OR5B12: variants seen among roughly 807,000 people sequenced by gnomAD.
OR5B12 encodes olfactory receptor family 5 subfamily B member 12, also known as olfactory receptor 5B12.
For synonymous variants in OR5B12, 154 were observed against 138.0 expected (o/e 1.12, Z -0.81); for missense variants, 418 against 377.0 (o/e 1.11, Z -0.90).
Position 58,439,154 on chromosome 11 carries a change from G to T in OR5B12, c.*53C>A. ...GGAAGCCCAAATATTGGGCTTGGTA[G>T]ACAAAGATTAATATGAGGTGGAAAA... On this transcript the variant is annotated 3_prime_UTR_variant, in exon 2 of 2. Transcript: ENST00000641921. 2.9e-6 allele frequency: 3 copies of T among 1,038,204 alleles called. No individual in the cohort carries two copies. Among genetic ancestry groups the T allele is most frequent in the Non-Finnish European group, 4.2e-6 (3 of 718,528 alleles). 64.3% of individuals were successfully genotyped at this position (1,038,204 alleles called of 1,614,324 possible).
chr11:58,440,287 C>A, intron 1 of OR5B12, 117 bp from the exon 2 acceptor site: 1 of 581,482 alleles, frequency 1.7e-6, no homozygotes, highest in South Asian at 3.0e-5. Flanking sequence ...TCCAGGAGTC[C>A]CGGATCTAAA....
chr11:58,439,597 G>A lies in OR5B12; in HGVS notation c.555C>T (p.Leu185=), dbSNP rs749602485. 9.3e-6 allele frequency: 15 copies of A among 1,613,942 alleles called. No homozygotes were observed. The South Asian group carries it at 1.2e-4, about 13-fold the overall frequency. The change falls in exon 2 of 2, where the codon CTC becomes CTT. Residue 185 remains leucine (L), a synonymous_variant. Coordinates refer to ENST00000641921, the MANE Select transcript of OR5B12 (RefSeq NM_001004733.3). The stretch of plus-strand genomic sequence containing the variant: ...CACTGATGTAGTTGTCTGAACATGA[G>A]AGAGTCAAGAGAGGAGGAGCATCAC... ...FFCDAPPLLT[L]SCSDNYISEM...
In OR5B12 at chr11:58,439,988, G is replaced by T; in HGVS notation, c.164C>A (p.Thr55Asn). ...GTTACTGAGGAAGAAGTACATGGGGGTGTGGAGACAGGAGTCCAGTAGAAT... is the reference window on the plus strand; with the variant it reads ...GTTACTGAGGAAGAAGTACATGGGGTTGTGGAGACAGGAGTCCAGTAGAAT... ...ELILLDSCLH[T>N]PMYFFLSNLS... Residue 55 changes from threonine to asparagine, a missense_variant, in exon 2 of 2, where the codon ACC becomes AAC. Physicochemically the swap from Thr to Asn is moderately conservative, Grantham distance 65. Coordinates refer to ENST00000641921, the MANE Select transcript of OR5B12 (RefSeq NM_001004733.3). 7 of 1,614,126 alleles carry T rather than the reference G, an allele frequency of 4.3e-6. No individual in the cohort carries two copies. Among genetic ancestry groups the T allele is most frequent in the Non-Finnish European group, 5.9e-6 (7 of 1,180,024 alleles).
Position 58,439,809 on chromosome 11 carries a change from A to T in OR5B12, c.343T>A (p.Ser115Thr). ...FITAESFLLA[S>T]MAYDRYAALC... The stretch of plus-strand genomic sequence containing the variant: ...GCTGCATAGCGGTCATAGGCCATTG[A>T]TGCCAGGAGGAAACTTTCTGCAGTG... Residue 115 changes from serine (S) to threonine (T), a missense_variant, in exon 2 of 2, where the codon TCA (serine) becomes ACA (threonine). Ser to Thr is a moderately conservative substitution (Grantham distance 58). Coordinates refer to ENST00000641921, the MANE Select transcript of OR5B12 (RefSeq NM_001004733.3). 8.1e-6 allele frequency: 13 copies of T among 1,614,218 alleles called. No individual in the cohort carries two copies. The highest frequency in any genetic ancestry group is 1.1e-5 in the Non-Finnish European group (13 of 1,180,038).
In OR5B12 at chr11:58,439,240, C is replaced by T; in HGVS notation, c.912G>A (p.Gly304=). The T allele has an allele frequency of 6.2e-7, 1 of 1,607,474 alleles. No individual in the cohort carries two copies. Among genetic ancestry groups the T allele is most frequent in the Non-Finnish European group, 8.5e-7 (1 of 1,175,754 alleles). ...EVKSAFKKTV[G]KAKASIGFIF ...TGAATCCTATAGAGGCCTTTGCCTT[C>T]CCTACAGTCTTTTTAAAGGCACTCT... Residue 304 remains glycine (G), a synonymous_variant, in exon 2 of 2, where the codon GGG becomes GGA. Transcript: ENST00000641921.
intron 1 of OR5B12, among the ~76,000 whole-genome samples, chr11:58,441,657 G>A (rs1231910245): frequency 2.6e-5 from 4 of 152,032 alleles, no homozygotes; most frequent in African/African-American, 9.7e-5. Flanking sequence ...CCACACATAA[G>A]TATGTAGCAC....
In OR5B12 at chr11:58,439,163, T is replaced by C. The variant is rs1855467621; in HGVS notation, c.*44A>G. 1 of 1,123,372 alleles carries C rather than the reference T, an allele frequency of 8.9e-7. No individual in the cohort carries two copies. Among genetic ancestry groups the C allele is most frequent in the African/African-American group, 1.6e-5 (1 of 63,278 alleles). 69.6% of individuals were successfully genotyped at this position (1,123,372 alleles called of 1,614,324 possible). On this transcript the variant is annotated 3_prime_UTR_variant, in exon 2 of 2. Transcript: ENST00000641921. Reference sequence around the variant, plus strand: ...AATATTGGGCTTGGTAGACAAAGATTAATATGAGGTGGAAAAAATTATCTT... The same window carrying C: ...AATATTGGGCTTGGTAGACAAAGATCAATATGAGGTGGAAAAAATTATCTT...
At chr11:58,441,878 TCAA>T (rs1193515891) in intron 1 of OR5B12, among the ~76,000 whole-genome samples, 165 bp downstream of exon 1, 2 of 152,142 alleles carry the variant, frequency 1.3e-5, no homozygotes, top group Non-Finnish European at 2.9e-5. Context: ...TGAGGAATAC[TCAA>T]CATATATAGC....
chr11:58,441,128 G>A (rs1287849949), intron 1 of OR5B12, among the ~76,000 whole-genome samples: 3 of 152,146 alleles, frequency 2.0e-5, no homozygotes, highest in African/African-American at 4.8e-5. Flanking sequence ...TTTATAAATT[G>A]TGTGTCCAAT....
Position 58,439,171 on chromosome 11 carries a change from G to T in OR5B12, c.*36C>A. The T allele has an allele frequency of 8.3e-7, 1 of 1,205,936 alleles. No individual in the cohort carries two copies. The highest frequency in any genetic ancestry group is 2.4e-5 in the East Asian group (1 of 41,224). 74.7% of individuals were successfully genotyped at this position (1,205,936 alleles called of 1,614,324 possible). A position where few individuals can be genotyped will look rare whatever the true frequency, so the allele number is the denominator to read the frequency against. The stretch of plus-strand genomic sequence containing the variant: ...GCTTGGTAGACAAAGATTAATATGA[G>T]GTGGAAAAAATTATCTTATTGTGAA... On this transcript the variant is annotated 3_prime_UTR_variant, in exon 2 of 2. Transcript: ENST00000641921.
intron 1 of OR5B12, among the ~76,000 whole-genome samples, chr11:58,440,610 T>C (rs1855490518): frequency 6.6e-6 from 1 of 152,214 alleles, no homozygotes; most frequent in African/African-American, 2.4e-5. Context: ...GATGGAGTAA[T>C]TAAATCTATC....
Position 58,439,647 on chromosome 11 carries a change from A to G in OR5B12, c.505T>C (p.Ser169Pro). 1 of 1,614,132 alleles carries G rather than the reference A, an allele frequency of 6.2e-7. No homozygotes were observed. Among genetic ancestry groups the G allele is most frequent in the African/African-American group, 1.3e-5 (1 of 75,050 alleles). The stretch of plus-strand genomic sequence containing the variant: ...CAGAAAAAGTGTTCAACTACATTGG[A>G]TCTACAGAAGGAGAGCCTGAAAGTG... ...GNTFRLSFCR[S>P]NVVEHFFCDA... Residue 169 changes from serine to proline, a missense_variant, in exon 2 of 2, where the codon TCC (serine) becomes CCC (proline). Coordinates refer to ENST00000641921, the MANE Select transcript of OR5B12 (RefSeq NM_001004733.3).
At position 58,439,513 on chromosome 11, in the gene OR5B12, C is replaced by A; in HGVS notation, c.639G>T (p.Leu213Phe). 1 of 1,613,860 alleles carries A rather than the reference C, an allele frequency of 6.2e-7. No homozygotes were observed. The highest frequency in any genetic ancestry group is 8.5e-7 in the Non-Finnish European group (1 of 1,179,958). Residue 213 changes from leucine to phenylalanine, a missense_variant, in exon 2 of 2, where the codon TTG becomes TTT. Transcript: ENST00000641921. ...FNDLFSILVI[L>F]ISYLFIFITI... The stretch of plus-strand genomic sequence containing the variant: ...TGATAAATATAAATAAGTAGGAGAT[C>A]AAGATTACCAGGATAGAAAAGAGGT...
chr11:58,439,912 C>A lies in OR5B12; in HGVS notation c.240G>T (p.Met80Ile). ...ATTTGTCTCCTGTGAGAAACCCCACCATCACCTTGGGAGTGACAGCTGAGG... is the reference window on the plus strand; with the variant it reads ...ATTTGTCTCCTGTGAGAAACCCCACAATCACCTTGGGAGTGACAGCTGAGG... ...GYSSAVTPKV[M>I]VGFLTGDKFI... Residue 80 changes from methionine (M) to isoleucine (I), a missense_variant, in exon 2 of 2, where the codon ATG becomes ATT. Coordinates refer to ENST00000641921, the MANE Select transcript of OR5B12 (RefSeq NM_001004733.3). 28 of 1,614,076 alleles carry A rather than the reference C, an allele frequency of 1.7e-5. No homozygotes were observed. The highest frequency in any genetic ancestry group is 2.7e-5 in the African/African-American group (2 of 75,030).
Position 58,439,579 on chromosome 11 carries a change from G to T in OR5B12, c.573C>A (p.Tyr191Ter). 1 of 1,613,862 alleles carries T rather than the reference G, an allele frequency of 6.2e-7. No individual in the cohort carries two copies. Among genetic ancestry groups the T allele is most frequent in the Non-Finnish European group, 8.5e-7 (1 of 1,179,904 alleles). Residue 191 changes from tyrosine (Y) to a stop codon, truncating the protein, a stop_gained, in exon 2 of 2, where the codon TAC (tyrosine) becomes TAA (stop). Transcript: ENST00000641921. LOFTEE classifies it low-confidence loss of function (END_TRUNC). Reference protein sequence around the residue: ...PLLTLSCSDNYISEMVIFFVV... With the variant: ...PLLTLSCSDN Reference sequence around the variant, plus strand: ...CAAAAAAAATAACCATCTCACTGATGTAGTTGTCTGAACATGAGAGAGTCA... The same window carrying T: ...CAAAAAAAATAACCATCTCACTGATTTAGTTGTCTGAACATGAGAGAGTCA...
At chr11:58,440,851 C>G (rs1402583790) in intron 1 of OR5B12, among the ~76,000 whole-genome samples, 2 of 152,168 alleles carry the variant, frequency 1.3e-5, no homozygotes, top group Non-Finnish European at 2.9e-5. Flanking sequence ...ACATAAATCT[C>G]TGGATGTGTT....
rs775324339 is a variant in OR5B12 at position 58,440,048 on chromosome 11, A to T, written c.104T>A (p.Ile35Asn). 6 of 1,614,118 alleles carry T rather than the reference A, an allele frequency of 3.7e-6. No homozygotes were observed. In the East Asian group the frequency reaches 1.3e-4, roughly 36 times the overall value. Residue 35 changes from isoleucine (I) to asparagine (N), a missense_variant, in exon 2 of 2, where the codon ATC becomes AAC. Physicochemically the swap from Ile to Asn is moderately radical, Grantham distance 149. Coordinates refer to ENST00000641921, the MANE Select transcript of OR5B12 (RefSeq NM_001004733.3). The part of the protein sequence containing the change: ...LFIVFLFIYL[I>N]TLVGNLGMIE... ...CATCCCCAGGTTCCCAACCAGAGTG[A>T]TGAGGTAGATGAAAAGGAAGACTAT...
intron 1 of OR5B12, among the ~76,000 whole-genome samples, chr11:58,441,361 T>C (rs1000822935): frequency 6.6e-6 from 1 of 152,192 alleles, no homozygotes; most frequent in Non-Finnish European, 1.5e-5. Context: ...TTTATGTTGA[T>C]ATTCCATTTG....
rs754318301 is a variant in OR5B12, at chr11:58,439,204, T to C, written c.*3A>G. The C allele has an allele frequency of 5.5e-6, 8 of 1,456,846 alleles. No homozygotes were observed. Among genetic ancestry groups the C allele is most frequent in the Non-Finnish European group, 7.5e-6 (8 of 1,067,940 alleles). 90.2% of individuals were successfully genotyped at this position (1,456,846 alleles called of 1,614,324 possible). On this transcript the variant is annotated 3_prime_UTR_variant, in exon 2 of 2. Transcript: ENST00000641921. Reference sequence around the variant, plus strand: ...AAATTATCTTATTGTGAATTCTTTATAATTAAAATATGAATCCTATAGAGG... The same window carrying C: ...AAATTATCTTATTGTGAATTCTTTACAATTAAAATATGAATCCTATAGAGG...
Sources: allele counts gnomAD v4.1 joint callset (sites outside exome capture counted in the v4.1 genomes callset), GRCh38; gene constraint gnomAD v4.1.1; transcripts MANE v1.5; gene names NCBI Gene and HGNC (gene_info 2026-07-23, HGNC 2026-07-21).